The following ATP6V0D2 variants were observed in gnomAD, a reference collection of about 807,000 sequenced individuals.
ATP6V0D2 encodes the protein V-type proton ATPase subunit d 2.
ATP6V0D2 carries 40 observed loss-of-function variants against 40.0 expected under a neutral mutation model. That is an observed-to-expected ratio of 1.00 (90% CI 0.78 to 1.30). ATP6V0D2 has a LOEUF of 1.30. ATP6V0D2 is among the 50% of genes most tolerant of loss of function. ATP6V0D2 has a pLI of 0.00. For synonymous variants in ATP6V0D2, 179 were observed against 156.3 expected, an observed-to-expected ratio of 1.15 and a Z score of -1.08; for missense variants, 470 against 423.1, an observed-to-expected ratio of 1.11 and a Z score of -0.97.
chr8:86,131,345 G>A (rs1049582779), intron 2 of ATP6V0D2, among the ~76,000 whole-genome samples: 6 of 150,202 alleles, frequency 4.0e-5, no homozygotes, highest in African/African-American at 7.4e-5. Context: ...GCCTACAGGC[G>A]CACACCAACA....
rs1563569082 is a variant in ATP6V0D2 at position 86,153,763 on chromosome 8, G to C, written c.*786G>C. ...TGTTGGAAAATGTGTTTTTTGTTTTGTTTTGTTTTGTTTCGTTTTGTTTTG... is the reference window on the plus strand; with the variant it reads ...TGTTGGAAAATGTGTTTTTTGTTTTCTTTTGTTTTGTTTCGTTTTGTTTTG... On this transcript the variant is annotated 3_prime_UTR_variant, in exon 8 of 8. Coordinates refer to ENST00000285393, the MANE Select transcript of ATP6V0D2 (RefSeq NM_152565.1). 6.6e-6 allele frequency: 1 copy of C among 151,978 alleles called. No individual in the cohort carries two copies. Among genetic ancestry groups the C allele is most frequent in the Non-Finnish European group, 1.5e-5 (1 of 68,118 alleles). The allele number at this position is 151,978 out of a possible 1,614,324, so 9.4% of individuals were successfully genotyped here. A position where few individuals can be genotyped will look rare whatever the true frequency, so the allele number is the denominator to read the frequency against.
intron 2 of ATP6V0D2, among the ~76,000 whole-genome samples, chr8:86,123,495 G>C (rs1213785342): frequency 2.0e-5 from 3 of 152,152 alleles, no homozygotes; most frequent in African/African-American, 2.4e-5. Flanking sequence ...TTAAAGCAGA[G>C]AAACAATAGA....
At chr8:86,141,184 A>T (rs1219932789) in intron 3 of ATP6V0D2, among the ~76,000 whole-genome samples, 2 of 152,210 alleles carry the variant, frequency 1.3e-5, no homozygotes, top group African/African-American at 4.8e-5. Flanking sequence ...TGTGTGGCTC[A>T]GTTACTAACA....
intron 7 of ATP6V0D2, 113 bp downstream of exon 7, chr8:86,151,653 A>T (rs1336077912): frequency 1.3e-6 from 1 of 753,280 alleles, no homozygotes; most frequent in Non-Finnish European, 2.2e-6. Context: ...GATTAGGCAC[A>T]TTCATAGCTT....
At chr8:86,129,982 G>GAAAAAAAAAAAAAAAAAAAAA (rs869058078) in intron 2 of ATP6V0D2, among the ~76,000 whole-genome samples, 1 of 92,900 alleles carries the variant, frequency 1.1e-5, no homozygotes, top group African/African-American at 3.8e-5. Context: ...GTCTCGAAAA[G>GAAAAAAAAAAAAAAAAAAAAA]AAAAAAAAAA....
At chr8:86,152,733 G>C (rs1819174470) in intron 7 of ATP6V0D2, 83 bp from the exon 8 acceptor site, 1 of 1,414,480 alleles carries the variant, frequency 7.1e-7, no homozygotes, top group Non-Finnish European at 9.5e-7. Context: ...CACTGCACAA[G>C]TTCAAGCCAG....
intron 2 of ATP6V0D2, among the ~76,000 whole-genome samples, chr8:86,114,435 G>A (rs1007980384): frequency 1.3e-5 from 2 of 152,182 alleles, no homozygotes; most frequent in Non-Finnish European, 2.9e-5. Context: ...ACTTTGGGAG[G>A]CCAAGGTGGG....
At chr8:86,149,060 A>AAAAC (rs1819108230) in intron 5 of ATP6V0D2, among the ~76,000 whole-genome samples, 1 of 148,716 alleles carries the variant, frequency 6.7e-6, no homozygotes, top group Non-Finnish European at 1.5e-5. Flanking sequence ...AGGAAGAAAA[A>AAAAC]AAAAAAAAAA....
intron 1 of ATP6V0D2, among the ~76,000 whole-genome samples, chr8:86,105,826 G>T (rs1818464785): frequency 6.6e-6 from 1 of 151,684 alleles, no homozygotes; most frequent in East Asian, 1.9e-4. Context: ...GTGTTAGCTT[G>T]GATAGTCTCG....
At chr8:86,144,148 C>T (rs546456069) in intron 5 of ATP6V0D2, among the ~76,000 whole-genome samples, 1 of 152,286 alleles carries the variant, frequency 6.6e-6, no homozygotes, top group Non-Finnish European at 1.5e-5. Context: ...CAGATTTCAT[C>T]TATGCTTAGG....
At chr8:86,099,193 C>T (rs569864840) in intron 1 of ATP6V0D2, 85 bp downstream of exon 1, 2 of 1,403,184 alleles carry the variant, frequency 1.4e-6, no homozygotes, top group African/African-American at 2.9e-5. Flanking sequence ...GAAAAAAAGC[C>T]CATAATCATA....
At chr8:86,141,004 A>C (rs1387625353) in intron 3 of ATP6V0D2, among the ~76,000 whole-genome samples, 1 of 152,220 alleles carries the variant, frequency 6.6e-6, no homozygotes, top group Non-Finnish European at 1.5e-5. Context: ...CATAAGTAGC[A>C]CACAACCTAG....
intron 1 of ATP6V0D2, among the ~76,000 whole-genome samples, chr8:86,108,402 A>G (rs1489616363): frequency 6.6e-6 from 1 of 152,138 alleles, no homozygotes; most frequent in Non-Finnish European, 1.5e-5. Context: ...TTGGCCTCCC[A>G]AACCCCTTGG....
chr8:86,142,064 G>A (rs1026620380), intron 4 of ATP6V0D2, among the ~76,000 whole-genome samples: 2 of 152,208 alleles, frequency 1.3e-5, no homozygotes, highest in Non-Finnish European at 2.9e-5. Flanking sequence ...TTGAGTAGCT[G>A]TATATACTTT....
At chr8:86,115,215 A>G (rs1247648645) in intron 2 of ATP6V0D2, among the ~76,000 whole-genome samples, 2 of 152,100 alleles carry the variant, frequency 1.3e-5, no homozygotes, top group Non-Finnish European at 2.9e-5. Context: ...GAAAGAGCAG[A>G]GCAGTTTCAG....
chr8:86,148,340 G>T (rs142314870), intron 5 of ATP6V0D2, among the ~76,000 whole-genome samples: 166 of 152,208 alleles, frequency 1.1e-3, no homozygotes, highest in African/African-American at 3.8e-3. Context: ...CTACTTTTCA[G>T]CTCACACATA....
intron 4 of ATP6V0D2, 39 bp downstream of exon 4, chr8:86,141,568 A>G: frequency 1.4e-6 from 2 of 1,443,744 alleles, no homozygotes; most frequent in Non-Finnish European, 1.9e-6. Context: ...TCTTGATTAC[A>G]CAATGTATTG....
chr8:86,113,251 G>C (rs891495313), intron 1 of ATP6V0D2, among the ~76,000 whole-genome samples: 4 of 151,970 alleles, frequency 2.6e-5, no homozygotes, highest in African/African-American at 7.3e-5. Flanking sequence ...GCCTGAGGTG[G>C]ACAGATCACT....
chr8:86,133,118 A>G (rs1217315929), intron 2 of ATP6V0D2, among the ~76,000 whole-genome samples: 1 of 152,074 alleles, frequency 6.6e-6, no homozygotes, highest in Non-Finnish European at 1.5e-5. Flanking sequence ...CTGATTGGCT[A>G]AGAAACTTGA....
Sources: gnomAD v4.1 joint callset for allele counts (sites outside exome capture counted in the v4.1 genomes callset) on GRCh38, gnomAD v4.1.1 for gene constraint, MANE v1.5 for transcripts, NCBI Gene and HGNC (gene_info 2026-07-23, HGNC 2026-07-21) for gene names.